The following TRAK2 variants were observed in gnomAD, a reference collection of about 807,000 sequenced individuals.
TRAK2 encodes the protein trafficking kinesin protein 2.
TRAK2 carries 81 observed loss-of-function variants against 104.6 expected under a neutral mutation model. That is an observed-to-expected ratio of 0.77 (90% CI 0.65 to 0.93). TRAK2 has a LOEUF of 0.93. Among genes scored for constraint, TRAK2 ranks in the 40% least tolerant of loss-of-function variants. The probability of loss-of-function intolerance (pLI) is 0.00; values close to 1 mark genes in which losing one functional copy is unlikely to be tolerated. For missense variants in TRAK2, 1,002 were observed against 1,089.0 expected, an observed-to-expected ratio of 0.92 and a Z score of 1.12; for synonymous variants, 406 against 394.4, an observed-to-expected ratio of 1.03 and a Z score of -0.35.
intron 2 of TRAK2, among the ~76,000 whole-genome samples, chr2:201,417,065 CACA>C (rs1951698041): frequency 6.6e-6 from 1 of 150,940 alleles, no homozygotes; most frequent in African/African-American, 2.4e-5. Context: ...AATGTAACTC[CACA>C]TTAACTACAC....
At chr2:201,383,511 T>C (rs1324733169) in intron 15 of TRAK2, among the ~76,000 whole-genome samples, 3 of 152,204 alleles carry the variant, frequency 2.0e-5, no homozygotes, top group South Asian at 2.1e-4. Flanking sequence ...TTGGGTGAAC[T>C]TCCCTGGTTG....
intron 2 of TRAK2, among the ~76,000 whole-genome samples, chr2:201,408,561 T>C (rs1225298163): frequency 6.6e-6 from 1 of 152,234 alleles, no homozygotes; most frequent in Non-Finnish European, 1.5e-5. Flanking sequence ...AGAAATTTCA[T>C]ATTTTCTCCC....
chr2:201,411,035 C>T, intron 2 of TRAK2: 1 of 1,310,030 alleles, frequency 7.6e-7, no homozygotes, highest in Non-Finnish European at 1.1e-6. Flanking sequence ...TCAAATTTCT[C>T]TTTGTATTAT....
intron 3 of TRAK2, among the ~76,000 whole-genome samples, chr2:201,406,139 G>T (rs1423395460): frequency 6.6e-6 from 1 of 152,186 alleles, no homozygotes; most frequent in Non-Finnish European, 1.5e-5. Context: ...AGCCTTTGGA[G>T]CCTTAATTTA....
chr2:201,412,266 T>A (rs1252031488), intron 2 of TRAK2: 3 of 1,096,246 alleles, frequency 2.7e-6, no homozygotes, highest in Admixed American at 3.4e-5. Context: ...AAAACTGTGA[T>A]TTCTGAAGAT....
rs139669193 is a variant in TRAK2, at chr2:201,426,673, T to C, written c.-199-5967A>G. ...CATAGCAGAATAGAGAAAACCAAGT[T>C]GAACTAAGAACTAAGTCCATCTAAA... On this transcript the variant is annotated intron_variant, in intron 1 of 15. Transcript: ENST00000332624. 2.2e-3 allele frequency among the ~76,000 whole-genome samples: 341 copies of C among 152,324 alleles called. 2 individuals are homozygous for C. The highest frequency in any genetic ancestry group is 7.5e-3 in the African/African-American group (312 of 41,572).
intron 3 of TRAK2, among the ~76,000 whole-genome samples, chr2:201,405,106 T>C (rs1432516238): frequency 3.9e-5 from 6 of 152,204 alleles, no homozygotes; most frequent in Non-Finnish European, 7.3e-5. Context: ...GTATAAACGC[T>C]AAGTGTCTTA....
chr2:201,451,156 C>T (rs1347203626), intron 1 of TRAK2, among the ~76,000 whole-genome samples, 194 bp downstream of exon 1: 1 of 152,240 alleles, frequency 6.6e-6, no homozygotes, highest in African/African-American at 2.4e-5. Flanking sequence ...GCGCCCATTA[C>T]TTTGCACCCA....
intron 1 of TRAK2, among the ~76,000 whole-genome samples, chr2:201,432,190 T>C (rs2125659421): frequency 6.6e-6 from 1 of 152,356 alleles, no homozygotes; most frequent in East Asian, 1.9e-4. Flanking sequence ...TGCCTTCTGA[T>C]GAGTGACGTT....
chr2:201,411,054 G>A (rs777115966), intron 2 of TRAK2: 148 of 1,224,612 alleles, frequency 1.2e-4, no homozygotes, highest in Non-Finnish European at 1.7e-4. Context: ...ATCAACTGGT[G>A]TAGAAAACAT....
chr2:201,438,837 A>G (rs1166593640), intron 1 of TRAK2, among the ~76,000 whole-genome samples: 1 of 152,228 alleles, frequency 6.6e-6, no homozygotes, highest in Admixed American at 6.5e-5. Context: ...GTGAGGCAGA[A>G]TAATCTGTGT....
chr2:201,395,452 GC>G lies in TRAK2; in HGVS notation c.770-9del. ...TCTGAGCATTTGTTTCACCTTGGAA[GC>G]AAAAAAAATTTTTTTAAATTAATAC... On this transcript the variant is annotated splice_polypyrimidine_tract_variant and intron_variant, in intron 7 of 15. Coordinates refer to ENST00000332624, the MANE Select transcript of TRAK2 (RefSeq NM_015049.3). 2 of 1,504,526 alleles carry G rather than the reference GC, an allele frequency of 1.3e-6. No individual in the cohort carries two copies. Among genetic ancestry groups the G allele is most frequent in the Non-Finnish European group, 9.0e-7 (1 of 1,115,132 alleles). The allele number at this position is 1,504,526 out of a possible 1,614,324, so 93.2% of individuals were successfully genotyped here. A position where few individuals can be genotyped will look rare whatever the true frequency, so the allele number is the denominator to read the frequency against.
chr2:201,390,519 G>A (rs1420989123), intron 10 of TRAK2, among the ~76,000 whole-genome samples: 2 of 137,576 alleles, frequency 1.5e-5, no homozygotes, highest in Non-Finnish European at 3.0e-5. Context: ...AGCTGAGATC[G>A]CACCACTGCA....
At position 201,414,269 on chromosome 2, in the gene TRAK2, A is replaced by G. The variant is rs1576523087; in HGVS notation, c.91+6148T>C. 2.0e-5 allele frequency among the ~76,000 whole-genome samples: 3 copies of G among 152,280 alleles called. No homozygotes were observed. In the Middle Eastern group the frequency reaches 0.01, roughly 518 times the overall value. ...CCATCATTTAACACCTCCCAAACTT[A>G]GCTGTTTACAAAAAAGGAGAGTTAT... On this transcript the variant is annotated intron_variant, in intron 2 of 15. Transcript: ENST00000332624.
At chr2:201,404,904 C>T (rs1054631238) in intron 3 of TRAK2, among the ~76,000 whole-genome samples, 2 of 152,050 alleles carry the variant, frequency 1.3e-5, no homozygotes, top group Non-Finnish European at 2.9e-5. Flanking sequence ...CTTGCTGCTA[C>T]GATATAGCAA....
intron 1 of TRAK2, among the ~76,000 whole-genome samples, chr2:201,441,100 C>T (rs1030277737): frequency 6.6e-6 from 1 of 152,140 alleles, no homozygotes; most frequent in Non-Finnish European, 1.5e-5. Flanking sequence ...AATACATTTT[C>T]AATACAACAT....
At chr2:201,402,483 T>C (rs1348635748) in intron 3 of TRAK2, among the ~76,000 whole-genome samples, 3 of 152,058 alleles carry the variant, frequency 2.0e-5, no homozygotes, top group Non-Finnish European at 2.9e-5. Context: ...ACTGAAAATA[T>C]AAAAACTTTT....
rs151230212 is a variant in TRAK2, at chr2:201,450,882, T to C, written c.-200+468A>G. ...AAACTAAAGTCAGCCGTTTTTCTTTTTCAAGATATGTGGCATCTGGCTCAA... is the reference window on the plus strand; with the variant it reads ...AAACTAAAGTCAGCCGTTTTTCTTTCTCAAGATATGTGGCATCTGGCTCAA... On this transcript the variant is annotated intron_variant, in intron 1 of 15. Transcript: ENST00000332624. Among the ~76,000 whole-genome samples, 564 of 152,320 alleles carry C rather than the reference T, an allele frequency of 3.7e-3. 2 individuals carry two copies. Among genetic ancestry groups the C allele is most frequent in the African/African-American group, 0.013 (535 of 41,560 alleles).
chr2:201,395,084 C>A, intron 8 of TRAK2: 1 of 607,064 alleles, frequency 1.6e-6, no homozygotes. Context: ...TAATTTACAC[C>A]ACTTTCTGAG....
Sources: gnomAD v4.1 joint callset for allele counts (sites outside exome capture counted in the v4.1 genomes callset) on GRCh38, gnomAD v4.1.1 for gene constraint, MANE v1.5 for transcripts, NCBI Gene and HGNC (gene_info 2026-07-23, HGNC 2026-07-21) for gene names.